Variants in CNNM2 observed in about 807,000 individuals in gnomAD.
CNNM2 encodes cyclin and CBS domain divalent metal cation transport mediator 2.
Under a neutral mutation model 66.9 loss-of-function variants are expected in CNNM2, and 12 were observed. The ratio of observed to expected loss-of-function variants is 0.18; its 90% CI spans 0.11 to 0.29. CNNM2 has a LOEUF of 0.29. Ranked by LOEUF, CNNM2 falls within the 10% of genes least tolerant of loss-of-function variation. CNNM2 has a pLI of 1.00. For synonymous variants in CNNM2, 557 were observed against 501.8 expected, an observed-to-expected ratio of 1.11 and a Z score of -1.47; for missense variants, 705 against 1,167.7, an observed-to-expected ratio of 0.60 and a Z score of 5.77.
chr10:102,936,009 T>G (rs927466517), intron 1 of CNNM2, among the ~76,000 whole-genome samples: 25 of 145,980 alleles, frequency 1.7e-4, no homozygotes, highest in Admixed American at 2.8e-4. Context: ...GTTTTTTTGG[T>G]TTTTTTTTTG....
intron 1 of CNNM2, among the ~76,000 whole-genome samples, chr10:103,025,386 G>C (rs1040056025): frequency 3.9e-5 from 6 of 152,214 alleles, no homozygotes; most frequent in African/African-American, 1.4e-4. Flanking sequence ...ACCACGCCCA[G>C]CCAAGTTGGC....
intron 1 of CNNM2, chr10:102,927,246 TAA>T: frequency 6.7e-7 from 1 of 1,501,056 alleles, no homozygotes; most frequent in Middle Eastern, 2.0e-4. Flanking sequence ...GCTTGACATA[TAA>T]AGAGTACTAT....
intron 1 of CNNM2, among the ~76,000 whole-genome samples, chr10:103,035,398 T>G (rs182422354): frequency 6.6e-6 from 1 of 152,264 alleles, no homozygotes; most frequent in East Asian, 1.9e-4. Context: ...AGGGAAACAT[T>G]CCAATGAGTG....
chr10:102,965,713 A>C (rs1277348587), intron 1 of CNNM2, among the ~76,000 whole-genome samples: 2 of 152,204 alleles, frequency 1.3e-5, no homozygotes, highest in Admixed American at 6.5e-5. Flanking sequence ...GTTAAATTCC[A>C]TCTGACGCAA....
intron 4 of CNNM2, among the ~76,000 whole-genome samples, chr10:103,064,083 T>C (rs970883050): frequency 1.3e-5 from 2 of 152,212 alleles, no homozygotes; most frequent in East Asian, 1.9e-4. Context: ...TTGACAACTC[T>C]TGGAATTGTA....
chr10:103,040,549 C>T lies in CNNM2; in HGVS notation c.1622-9158C>T, dbSNP rs1341567297. Among the ~76,000 whole-genome samples, 3 of 152,212 alleles carry T rather than the reference C, an allele frequency of 2.0e-5. 1 individual carries two copies. The highest frequency in any genetic ancestry group is 6.8e-3 in the Middle Eastern group (2 of 294). ...GTTATGTTATGGTGAGTAAGTCTTC[C>T]TTTGTGAATGGAGGAGTAGAGAAGA... On this transcript the variant is annotated intron_variant, in intron 1 of 7. Coordinates refer to ENST00000369878, the MANE Select transcript of CNNM2 (RefSeq NM_017649.5).
At chr10:102,999,666 G>A (rs963510361) in intron 1 of CNNM2, among the ~76,000 whole-genome samples, 5 of 151,796 alleles carry the variant, frequency 3.3e-5, no homozygotes, top group Admixed American at 1.3e-4. Flanking sequence ...CCACCTCTCC[G>A]CACCAGAGGT....
chr10:103,076,854 T>C, intron 7 of CNNM2, 117 bp from the exon 8 acceptor site: 1 of 902,550 alleles, frequency 1.1e-6, no homozygotes, highest in South Asian at 1.5e-5. Flanking sequence ...TGCGCTCAAG[T>C]GTGATTTTCT....
chr10:102,943,454 A>G (rs1846499591), intron 1 of CNNM2, among the ~76,000 whole-genome samples: 1 of 151,668 alleles, frequency 6.6e-6, no homozygotes, highest in African/African-American at 2.4e-5. Context: ...AACAAAAAAC[A>G]AAAAAAAATT....
intron 1 of CNNM2, among the ~76,000 whole-genome samples, chr10:102,958,459 G>GTTTTTTTTTTT (rs33992570): frequency 1.9e-5 from 1 of 51,746 alleles, no homozygotes; most frequent in Non-Finnish European, 3.5e-5. Context: ...CAAGCAACTT[G>GTTTTTTTTTTT]TTTTTTTTTT....
chr10:102,979,247 T>C (rs2063683746), intron 1 of CNNM2, among the ~76,000 whole-genome samples: 1 of 152,210 alleles, frequency 6.6e-6, no homozygotes, highest in South Asian at 2.1e-4. Flanking sequence ...TTTAAAATAT[T>C]TGTTAAATCC....
intron 1 of CNNM2, among the ~76,000 whole-genome samples, chr10:102,994,795 G>C (rs937921432): frequency 6.6e-6 from 1 of 152,198 alleles, no homozygotes; most frequent in African/African-American, 2.4e-5. Context: ...CAAATGCCTT[G>C]GCCTATGCCT....
rs1354331299 is a variant in CNNM2 at position 102,921,061 on chromosome 10, A to G, written c.1621+960A>G. Reference sequence around the variant, plus strand: ...GTCTCCGTCAACTCTCACCGTTCCAAGATGCTTATACAGTACATCATTTAT... The same window carrying G: ...GTCTCCGTCAACTCTCACCGTTCCAGGATGCTTATACAGTACATCATTTAT... On this transcript the variant is annotated intron_variant, in intron 1 of 7. Coordinates refer to ENST00000369878, the MANE Select transcript of CNNM2 (RefSeq NM_017649.5). 2 of 977,916 alleles carry G rather than the reference A, an allele frequency of 2.0e-6. No homozygotes were observed. The highest frequency in any genetic ancestry group is 4.7e-5 in the South Asian group (1 of 21,142). The allele number at this position is 977,916 out of a possible 1,614,324, so 60.6% of individuals were successfully genotyped here. A position where few individuals can be genotyped will look rare whatever the true frequency, so the allele number is the denominator to read the frequency against.
At chr10:102,930,857 T>C (rs1846040178) in intron 1 of CNNM2, among the ~76,000 whole-genome samples, 1 of 152,248 alleles carries the variant, frequency 6.6e-6, no homozygotes. Context: ...ATCCATGTTG[T>C]AGCATGTATC....
At chr10:103,038,064 T>A (rs939286061) in intron 1 of CNNM2, among the ~76,000 whole-genome samples, 2 of 152,182 alleles carry the variant, frequency 1.3e-5, no homozygotes, top group African/African-American at 4.8e-5. Flanking sequence ...GGTCTCGAAC[T>A]CCTGACTTCA....
At position 102,919,857 on chromosome 10, in the gene CNNM2, C is replaced by T. The variant is rs777325600; in HGVS notation, c.1377C>T (p.Ile459=). The part of the protein sequence containing the change: ...VMTPLRDCFM[I]TGEAILDFNT... ...CCCCACTCCGGGACTGCTTCATGAT[C>T]ACCGGCGAAGCCATCCTGGACTTCA... The change falls in exon 1 of 8, where the codon ATC becomes ATT. Residue 459 remains isoleucine, a synonymous_variant. Transcript: ENST00000369878. The T allele has an allele frequency of 6.2e-7, 1 of 1,614,212 alleles. No individual in the cohort carries two copies.
At chr10:102,937,712 T>G (rs1846287584) in intron 1 of CNNM2, among the ~76,000 whole-genome samples, 1 of 152,178 alleles carries the variant, frequency 6.6e-6, no homozygotes, top group Admixed American at 6.5e-5. Flanking sequence ...ATTATACTCC[T>G]AAAACGTACA....
At chr10:102,985,163 G>T (rs918833688) in intron 1 of CNNM2, among the ~76,000 whole-genome samples, 1 of 152,006 alleles carries the variant, frequency 6.6e-6, no homozygotes, top group Non-Finnish European at 1.5e-5. Flanking sequence ...GGAAACCCTG[G>T]CAGACCTTGA....
At chr10:103,062,181 AT>A (rs1277325298) in intron 4 of CNNM2, among the ~76,000 whole-genome samples, 1 of 152,200 alleles carries the variant, frequency 6.6e-6, no homozygotes, top group Non-Finnish European at 1.5e-5. Flanking sequence ...AGTGGAAAGC[AT>A]GTGCCCGGCC....
Sources: allele counts gnomAD v4.1 joint callset (sites outside exome capture counted in the v4.1 genomes callset), GRCh38; gene constraint gnomAD v4.1.1; transcripts MANE v1.5; gene names NCBI Gene and HGNC (gene_info 2026-07-23, HGNC 2026-07-21).